Variants in SLC6A15 observed in about 807,000 individuals in gnomAD.
The protein encoded by SLC6A15 is sodium-dependent neutral amino acid transporter B(0)AT2.
A neutral mutation model predicts 68.5 loss-of-function variants in SLC6A15; 33 were observed. That is an observed-to-expected ratio of 0.48 (90% CI 0.37 to 0.64). SLC6A15 has a LOEUF of 0.64. Among genes scored for constraint, SLC6A15 ranks in the 30% least tolerant of loss-of-function variants. The probability of loss-of-function intolerance (pLI) is 0.00; values close to 1 mark genes in which losing one functional copy is unlikely to be tolerated. For synonymous variants in SLC6A15, 347 were observed against 301.0 expected, an observed-to-expected ratio of 1.15 and a Z score of -1.58; for missense variants, 747 against 874.3, an observed-to-expected ratio of 0.85 and a Z score of 1.84.
At chr12:84,901,390 A>G (rs987184696) in intron 1 of SLC6A15, among the ~76,000 whole-genome samples, 4 of 151,820 alleles carry the variant, frequency 2.6e-5, no homozygotes, top group Non-Finnish European at 5.9e-5. Context: ...TCATTGCCCT[A>G]AAGTGTTCTA....
intron 1 of SLC6A15, among the ~76,000 whole-genome samples, chr12:84,904,250 A>AGAGAGAGAGAGAGAGAGAGAGAGAGAG (rs58378838): frequency 1.9e-4 from 28 of 149,502 alleles, no homozygotes; most frequent in African/African-American, 4.7e-4. Context: ...AGAGAGAGAG[A>AGAGAGAGAGAGAGAGAGAGAGAGAGAG]AATAGTCTCA....
rs1307275152 is a variant in SLC6A15 at position 84,861,025 on chromosome 12, A to G, written c.*607T>C. The G allele has an allele frequency of 6.6e-6, 1 of 152,148 alleles. No individual in the cohort carries two copies. Among genetic ancestry groups the G allele is most frequent in the Admixed American group, 6.5e-5 (1 of 15,270 alleles). The allele number at this position is 152,148 out of a possible 1,614,324, so 9.4% of individuals were successfully genotyped here. The stretch of plus-strand genomic sequence containing the variant: ...TCACATGATTCTCAGTCACCTCTGA[A>G]TCTCATCTTTCATCCCAGCGTTAGT... On this transcript the variant is annotated 3_prime_UTR_variant, in exon 12 of 12. Transcript: ENST00000266682.
At chr12:84,862,139 A>C (rs1870881044) in intron 11 of SLC6A15, 133 bp from the exon 12 acceptor site, 1 of 870,114 alleles carries the variant, frequency 1.1e-6, no homozygotes. Context: ...AATAGAAAGC[A>C]GTAGAAGTGA....
rs1871556364 is a variant in SLC6A15 at position 84,876,564 on chromosome 12, C to A, written c.800G>T (p.Cys267Phe). 6.3e-7 allele frequency: 1 copy of A among 1,593,724 alleles called. No homozygotes were observed. Among genetic ancestry groups the A allele is most frequent in the Admixed American group, 1.8e-5 (1 of 56,794 alleles). ...TAAAAGGAATGCTCTGATGAGGAAG[C>A]AAATAAGTACCACATATGGAAACAG... is the stretch of plus-strand genomic sequence containing the variant. ...SSLFPYVVLICFLIRAFLLNG... is the reference protein window; with the variant it reads ...SSLFPYVVLIFFLIRAFLLNG... Residue 267 changes from cysteine (C) to phenylalanine (F), a missense_variant, in exon 6 of 12, where the codon TGC (cysteine) becomes TTC (phenylalanine). Physicochemically the swap from Cys to Phe is radical, Grantham distance 205. Transcript: ENST00000266682.
At chr12:84,882,283 A>T in intron 5 of SLC6A15, 1 of 985,390 alleles carries the variant, frequency 1.0e-6, no homozygotes, top group Non-Finnish European at 1.2e-6. Context: ...TCCTTCATTT[A>T]TAATGTGACG....
intron 6 of SLC6A15, among the ~76,000 whole-genome samples, chr12:84,874,334 T>G (rs1318322793): frequency 2.0e-5 from 3 of 152,150 alleles, no homozygotes; most frequent in African/African-American, 7.2e-5. Flanking sequence ...CCTACCACAC[T>G]CTAAAAATGC....
intron 6 of SLC6A15, among the ~76,000 whole-genome samples, chr12:84,875,058 C>T (rs1335387004): frequency 6.6e-6 from 1 of 152,100 alleles, no homozygotes; most frequent in Non-Finnish European, 1.5e-5. Flanking sequence ...AGAATTATTA[C>T]ATATAAGCAT....
Position 84,892,317 on chromosome 12 carries a change from T to G in SLC6A15, c.-188-9A>C. 1 of 462,830 alleles carries G rather than the reference T, an allele frequency of 2.2e-6. No individual in the cohort carries two copies. Among genetic ancestry groups the G allele is most frequent in the Non-Finnish European group, 3.7e-6 (1 of 267,240 alleles). 28.7% of individuals were successfully genotyped at this position (462,830 alleles called of 1,614,324 possible). ...CAGTATTCTGTAGGTACCTGTAAAA[T>G]TATAAGTTGAAATGTGATCATATTT... On this transcript the variant is annotated splice_polypyrimidine_tract_variant and intron_variant, in intron 1 of 11. Coordinates refer to ENST00000266682, the MANE Select transcript of SLC6A15 (RefSeq NM_182767.6).
chr12:84,893,735 T>A (rs1280250209), intron 1 of SLC6A15, among the ~76,000 whole-genome samples: 1 of 152,156 alleles, frequency 6.6e-6, no homozygotes, highest in Non-Finnish European at 1.5e-5. Context: ...GGTAACCCAG[T>A]GGAAAAAAAA....
chr12:84,881,501 G>A, intron 5 of SLC6A15: 1 of 985,374 alleles, frequency 1.0e-6, no homozygotes, highest in Non-Finnish European at 1.2e-6. Context: ...ATCCAGTATT[G>A]CAGATGTGGT....
intron 1 of SLC6A15, among the ~76,000 whole-genome samples, chr12:84,900,595 C>T (rs541998398): frequency 9.3e-5 from 14 of 150,632 alleles, no homozygotes; most frequent in East Asian, 2.0e-4. Flanking sequence ...TTCATAGATC[C>T]CTTTATTAGT....
chr12:84,884,851 T>C (rs1203876554), intron 4 of SLC6A15, among the ~76,000 whole-genome samples: 1 of 151,934 alleles, frequency 6.6e-6, no homozygotes, highest in East Asian at 1.9e-4. Context: ...TATATTGAAA[T>C]AGTATTTTTA....
intron 1 of SLC6A15, among the ~76,000 whole-genome samples, chr12:84,895,636 C>T (rs568920313): frequency 2.8e-4 from 42 of 152,102 alleles, no homozygotes; most frequent in African/African-American, 8.7e-4. Flanking sequence ...CGTGAGCCAC[C>T]ATGACCAGTT....
intron 1 of SLC6A15, among the ~76,000 whole-genome samples, chr12:84,911,517 G>T (rs1003043393): frequency 1.7e-4 from 26 of 152,204 alleles, no homozygotes; most frequent in Admixed American, 1.7e-3. Context: ...GCTGGAGAGC[G>T]CGAGCCTGGG....
intron 5 of SLC6A15, among the ~76,000 whole-genome samples, chr12:84,876,992 T>C (rs1470140346): frequency 6.6e-6 from 1 of 152,174 alleles, no homozygotes; most frequent in East Asian, 1.9e-4. Flanking sequence ...TCCTATTTCT[T>C]TTTCTTTTAA....
chr12:84,884,161 A>G (rs919609290), intron 4 of SLC6A15, 121 bp from the exon 5 acceptor site: 6 of 720,254 alleles, frequency 8.3e-6, no homozygotes, highest in East Asian at 8.0e-5. Context: ...ACCATTGTAT[A>G]GCAGCATGTA....
intron 2 of SLC6A15, 117 bp downstream of exon 2, chr12:84,891,715 A>G (rs749828956): frequency 2.7e-6 from 3 of 1,110,580 alleles, no homozygotes; most frequent in South Asian, 3.3e-5. Context: ...GGGTTTCTCT[A>G]GCTTTACAAT....
intron 2 of SLC6A15, among the ~76,000 whole-genome samples, chr12:84,890,416 C>T (rs1251218941): frequency 6.6e-6 from 1 of 152,018 alleles, no homozygotes; most frequent in African/African-American, 2.4e-5. Context: ...AGTCTTAAAA[C>T]CAGAATTGAT....
chr12:84,861,456 C>G lies in SLC6A15; in HGVS notation c.*176G>C. 1 of 653,170 alleles carries G rather than the reference C, an allele frequency of 1.5e-6. No homozygotes were observed. Among genetic ancestry groups the G allele is most frequent in the Non-Finnish European group, 2.4e-6 (1 of 415,830 alleles). 40.5% of individuals were successfully genotyped at this position (653,170 alleles called of 1,614,324 possible). A position where few individuals can be genotyped will look rare whatever the true frequency, so the allele number is the denominator to read the frequency against. ...GCAATCCTTTCTGCACAAATGTAAA[C>G]CAAAGAATCCAAAAGAATGCTCAAG... On this transcript the variant is annotated 3_prime_UTR_variant, in exon 12 of 12. Transcript: ENST00000266682.
Sources: allele counts gnomAD v4.1 joint callset (sites outside exome capture counted in the v4.1 genomes callset), GRCh38; gene constraint gnomAD v4.1.1; transcripts MANE v1.5; gene names NCBI Gene and HGNC (gene_info 2026-07-23, HGNC 2026-07-21).